CCSER1: variants seen among roughly 807,000 people sequenced by gnomAD.
CCSER1 encodes coiled-coil serine rich protein 1.
Under a neutral mutation model 82.0 loss-of-function variants are expected in CCSER1, and 41 were observed. That is an observed-to-expected ratio of 0.50 (90% confidence interval 0.39 to 0.65). The LOEUF is 0.65. CCSER1 is among the 30% of genes least tolerant of loss of function. The probability of loss-of-function intolerance (pLI) is 0.00; values close to 1 mark genes in which losing one functional copy is unlikely to be tolerated. For missense variants in CCSER1, 1,119 were observed against 1,064.2 expected, an observed-to-expected ratio of 1.05 and a Z score of -0.72; for synonymous variants, 414 against 383.9, an observed-to-expected ratio of 1.08 and a Z score of -0.92.
At chr4:91,550,248 G>A (rs1465706493) in intron 10 of CCSER1, among the ~76,000 whole-genome samples, 1 of 152,162 alleles carries the variant, frequency 6.6e-6, no homozygotes, top group African/African-American at 2.4e-5. Flanking sequence ...GGTATTTATT[G>A]TAAGGACTTC....
chr4:91,151,501 C>T (rs1730199554), intron 10 of CCSER1, among the ~76,000 whole-genome samples: 1 of 152,088 alleles, frequency 6.6e-6, no homozygotes, highest in Admixed American at 6.6e-5. Flanking sequence ...TTAACTATTT[C>T]TTACCTTCTG....
At chr4:90,358,986 C>T in intron 3 of CCSER1, among the ~76,000 whole-genome samples, 1 of 152,098 alleles carries the variant, frequency 6.6e-6, no homozygotes, top group East Asian at 1.9e-4. Context: ...TGAAAAGATA[C>T]TTTTAAAAAT....
At chr4:90,147,443 G>A (rs61308573) in intron 1 of CCSER1, among the ~76,000 whole-genome samples, 47,392 of 151,800 alleles carry the variant, frequency 0.31, 8,672 homozygotes, top group East Asian at 0.65. Context: ...ACCATGAATT[G>A]TTTCTGGTTT....
intron 5 of CCSER1, among the ~76,000 whole-genome samples, chr4:90,490,556 G>A (rs1247707171): frequency 6.6e-6 from 1 of 152,084 alleles, no homozygotes; most frequent in Non-Finnish European, 1.5e-5. Flanking sequence ...TTTAGCTTTT[G>A]TTGCCATTGC....
chr4:90,533,259 T>TG (rs2153631640), intron 5 of CCSER1, among the ~76,000 whole-genome samples: 1 of 146,892 alleles, frequency 6.8e-6, no homozygotes, highest in South Asian at 2.2e-4. Context: ...GCCTGGCAAC[T>TG]TTTTTTTTTG....
chr4:90,905,740 C>T (rs1393866608), intron 8 of CCSER1, among the ~76,000 whole-genome samples: 2 of 152,122 alleles, frequency 1.3e-5, no homozygotes, highest in African/African-American at 4.8e-5. Context: ...TTGTGTGCTG[C>T]TCTCTATACA....
rs533529804 is a variant in CCSER1 at position 91,015,141 on chromosome 4, T to TA, written c.2173-70808dup. Reference sequence around the variant, plus strand: ...TCTGTGAAATACTTCATCTTACCATTATGTAATGTGAGTATAATAACATTG... The same window carrying TA: ...TCTGTGAAATACTTCATCTTACCATTAATGTAATGTGAGTATAATAACATTG... On this transcript the variant is annotated intron_variant, in intron 9 of 10. Transcript: ENST00000509176. 2.5e-4 allele frequency among the ~76,000 whole-genome samples: 38 copies of TA among 152,258 alleles called. No individual in the cohort carries two copies. In the East Asian group the frequency reaches 6.0e-3, roughly 24 times the overall value.
chr4:91,216,537 G>T (rs548058645), intron 10 of CCSER1, among the ~76,000 whole-genome samples: 190 of 152,182 alleles, frequency 1.2e-3, no homozygotes, highest in African/African-American at 4.5e-3. Context: ...AGCCAGGATG[G>T]TCTCCATCTC....
intron 7 of CCSER1, among the ~76,000 whole-genome samples, chr4:90,731,291 G>A (rs17017486): frequency 0.19 from 29,441 of 152,074 alleles, 5,164 homozygotes; most frequent in African/African-American, 0.47. Flanking sequence ...AGCATGATAC[G>A]GAGATTAGTA....
intron 10 of CCSER1, among the ~76,000 whole-genome samples, chr4:91,389,360 T>C (rs953168986): frequency 1.3e-5 from 2 of 152,050 alleles, no homozygotes; most frequent in Non-Finnish European, 2.9e-5. Flanking sequence ...TTGCCACTGC[T>C]CCTTTGTCAA....
chr4:91,417,062 T>C (rs1753409366), intron 10 of CCSER1, among the ~76,000 whole-genome samples: 1 of 152,050 alleles, frequency 6.6e-6, no homozygotes, highest in Non-Finnish European at 1.5e-5. Flanking sequence ...AATGGACACT[T>C]CTCAAAAGAA....
At chr4:91,412,879 G>A (rs1181249865) in intron 10 of CCSER1, among the ~76,000 whole-genome samples, 1 of 152,026 alleles carries the variant, frequency 6.6e-6, no homozygotes, top group Non-Finnish European at 1.5e-5. Context: ...CTAAAGAAGG[G>A]GGGATCTATG....
chr4:91,599,358 C>G lies in CCSER1; in HGVS notation c.*301C>G, dbSNP rs897336970. ...TCCATAATTTATTTATTTTTTATCT[C>G]TATCACTTACTGATATGCATTAAGG... On this transcript the variant is annotated 3_prime_UTR_variant, in exon 11 of 11. Coordinates refer to ENST00000509176, the MANE Select transcript of CCSER1 (RefSeq NM_001145065.2). The G allele has an allele frequency of 4.6e-6, 1 of 218,048 alleles. No homozygotes were observed. Among genetic ancestry groups the G allele is most frequent in the Non-Finnish European group, 9.1e-6 (1 of 110,382 alleles). 13.5% of individuals were successfully genotyped at this position (218,048 alleles called of 1,614,324 possible). A position where few individuals can be genotyped will look rare whatever the true frequency, so the allele number is the denominator to read the frequency against.
chr4:90,631,527 A>G (rs185532525), intron 6 of CCSER1, among the ~76,000 whole-genome samples: 138 of 152,292 alleles, frequency 9.1e-4, no homozygotes, highest in Non-Finnish European at 1.4e-3. Flanking sequence ...GATCACAGAA[A>G]ATTTTTGGCT....
intron 9 of CCSER1, among the ~76,000 whole-genome samples, chr4:91,028,354 C>G (rs899903988): frequency 2.0e-5 from 3 of 151,814 alleles, no homozygotes; most frequent in Admixed American, 6.6e-5. Context: ...CTGATGAGAT[C>G]AAATCATATG....
chr4:91,384,046 G>C (rs549360756), intron 10 of CCSER1, among the ~76,000 whole-genome samples: 1 of 152,066 alleles, frequency 6.6e-6, no homozygotes, highest in Non-Finnish European at 1.5e-5. Flanking sequence ...ATCTATTCCT[G>C]TTCCAGTTGC....
At chr4:91,146,901 G>C (rs183865774) in intron 10 of CCSER1, among the ~76,000 whole-genome samples, 29 of 152,258 alleles carry the variant, frequency 1.9e-4, no homozygotes, top group African/African-American at 7.0e-4. Flanking sequence ...GCAATGCTCT[G>C]GGAAAGGGAG....
chr4:90,128,529 G>C (rs544306932), intron 1 of CCSER1, among the ~76,000 whole-genome samples: 1 of 152,222 alleles, frequency 6.6e-6, no homozygotes, highest in East Asian at 1.9e-4. Flanking sequence ...GCGCGCGCGC[G>C]CGCTCTGGAC....
At chr4:91,374,467 A>C (rs987048258) in intron 10 of CCSER1, among the ~76,000 whole-genome samples, 1 of 152,216 alleles carries the variant, frequency 6.6e-6, no homozygotes, top group Non-Finnish European at 1.5e-5. Flanking sequence ...ACTGGATGAC[A>C]GCACTGCTGT....
Sources: gnomAD v4.1 joint callset for allele counts (sites outside exome capture counted in the v4.1 genomes callset) on GRCh38, gnomAD v4.1.1 for gene constraint, MANE v1.5 for transcripts, NCBI Gene and HGNC (gene_info 2026-07-23, HGNC 2026-07-21) for gene names.